The following NEK11 variants were observed in gnomAD, a reference collection of about 807,000 sequenced individuals.
The protein encoded by NEK11 is NIMA related kinase 11.
NEK11 carries 72 observed loss-of-function variants against 80.7 expected under a neutral mutation model. The observed-to-expected ratio is 0.89, with a 90% confidence interval of 0.74 to 1.08. The LOEUF (loss-of-function observed/expected upper bound fraction) is 1.08. NEK11 is among the 50% of genes least tolerant of loss of function. The pLI, the probability that NEK11 is intolerant of heterozygous loss-of-function variation, is 0.00. For synonymous variants in NEK11, 251 were observed against 260.7 expected, an observed-to-expected ratio of 0.96 and a Z score of 0.36; for missense variants, 764 against 763.6, an observed-to-expected ratio of 1.00 and a Z score of -0.01.
chr3:131,126,187 C>T (rs1004875491), intron 5 of NEK11, among the ~76,000 whole-genome samples: 1 of 152,126 alleles, frequency 6.6e-6, no homozygotes, highest in Non-Finnish European at 1.5e-5. Context: ...CCTTTATGTA[C>T]CCCACAAATT....
At chr3:131,219,556 C>A (rs1243206558) in intron 14 of NEK11, among the ~76,000 whole-genome samples, 90 of 143,998 alleles carry the variant, frequency 6.3e-4, no homozygotes, top group East Asian at 6.1e-4. Flanking sequence ...TTAAAGTATA[C>A]AAAAAAAAAA....
At chr3:131,233,355 C>T (rs931225889) in intron 15 of NEK11, among the ~76,000 whole-genome samples, 5 of 152,124 alleles carry the variant, frequency 3.3e-5, no homozygotes, top group South Asian at 2.1e-4. Context: ...GTGTTGTAGC[C>T]GAGGGCTGTC....
intron 3 of NEK11, among the ~76,000 whole-genome samples, chr3:131,048,550 A>G (rs911648898): frequency 6.6e-6 from 1 of 152,180 alleles, no homozygotes; most frequent in Non-Finnish European, 1.5e-5. Context: ...TCCTTCTGTG[A>G]TCTGGACCTT....
At chr3:131,132,611 T>C in intron 5 of NEK11, 134 bp from the exon 6 acceptor site, 1 of 536,514 alleles carries the variant, frequency 1.9e-6, no homozygotes. Flanking sequence ...TTTGTAGCTT[T>C]TAAACATTGA....
At chr3:131,065,387 T>C (rs1006755634) in intron 3 of NEK11, among the ~76,000 whole-genome samples, 9 of 152,364 alleles carry the variant, frequency 5.9e-5, no homozygotes, top group African/African-American at 2.2e-4. Flanking sequence ...ATTCCTTGGA[T>C]AACTTGGTTT....
intron 3 of NEK11, among the ~76,000 whole-genome samples, chr3:131,037,774 T>A (rs765710878): frequency 6.7e-6 from 1 of 149,476 alleles, no homozygotes; most frequent in Non-Finnish European, 1.5e-5. Flanking sequence ...TTTTAACATA[T>A]CTTTACTTTC....
intron 14 of NEK11, among the ~76,000 whole-genome samples, chr3:131,210,717 C>T (rs1385108975): frequency 1.3e-5 from 2 of 152,202 alleles, no homozygotes; most frequent in Non-Finnish European, 2.9e-5. Context: ...GATCCATTTA[C>T]CATTATGTAA....
At chr3:131,250,083 A>T (rs1431259207) in intron 16 of NEK11, among the ~76,000 whole-genome samples, 3 of 152,120 alleles carry the variant, frequency 2.0e-5, no homozygotes, top group Non-Finnish European at 2.9e-5. Context: ...CATACAGAGA[A>T]TAAGAAAGAG....
chr3:131,032,426 G>A (rs1388818997), intron 3 of NEK11, among the ~76,000 whole-genome samples: 1 of 152,204 alleles, frequency 6.6e-6, no homozygotes, highest in African/African-American at 2.4e-5. Flanking sequence ...ATATTCTCCA[G>A]TTAGCCACAT....
intron 14 of NEK11, among the ~76,000 whole-genome samples, chr3:131,186,637 C>T (rs2093613671): frequency 1.3e-5 from 2 of 152,144 alleles, no homozygotes; most frequent in African/African-American, 4.8e-5. Context: ...GTTAAAATTT[C>T]CATCTATTTT....
intron 11 of NEK11, among the ~76,000 whole-genome samples, chr3:131,163,057 T>C (rs1464094612): frequency 6.6e-6 from 1 of 152,148 alleles, no homozygotes; most frequent in Non-Finnish European, 1.5e-5. Flanking sequence ...CACTAGTAAT[T>C]AGAGTATTTA....
At chr3:131,090,455 C>T (rs1184244832) in intron 4 of NEK11, among the ~76,000 whole-genome samples, 1 of 152,150 alleles carries the variant, frequency 6.6e-6, no homozygotes, top group East Asian at 1.9e-4. Flanking sequence ...ATACATTTTT[C>T]ATGAAAGTTA....
intron 17 of NEK11, among the ~76,000 whole-genome samples, chr3:131,304,693 T>C (rs1161774456): frequency 1.3e-5 from 2 of 152,188 alleles, no homozygotes; most frequent in Non-Finnish European, 2.9e-5. Context: ...CTGGTACCAG[T>C]GCCTGAGCTT....
At chr3:131,327,697 T>TCACTC (rs1234081101) in intron 17 of NEK11, 2 of 148,856 alleles carry the variant, frequency 1.3e-5, no homozygotes, top group Non-Finnish European at 3.0e-5. Flanking sequence ...TGCATTTGAG[T>TCACTC]CACTCCAGAA....
intron 5 of NEK11, among the ~76,000 whole-genome samples, chr3:131,116,773 T>A (rs2081304656): frequency 6.6e-6 from 1 of 152,226 alleles, no homozygotes; most frequent in Non-Finnish European, 1.5e-5. Context: ...ATAAATGTCT[T>A]CTTTTGAGAA....
At chr3:131,097,647 A>C (rs909414061) in intron 4 of NEK11, among the ~76,000 whole-genome samples, 1 of 152,122 alleles carries the variant, frequency 6.6e-6, no homozygotes, top group Admixed American at 6.6e-5. Flanking sequence ...CTGCTCAATG[A>C]AATAAAAGAG....
chr3:131,285,044 CA>C (rs1477522419), intron 17 of NEK11, among the ~76,000 whole-genome samples: 1 of 152,174 alleles, frequency 6.6e-6, no homozygotes, highest in Non-Finnish European at 1.5e-5. Flanking sequence ...CCTATTCATC[CA>C]AATCTTCTGT....
At chr3:131,117,528 T>C (rs547913246) in intron 5 of NEK11, among the ~76,000 whole-genome samples, 1 of 152,326 alleles carries the variant, frequency 6.6e-6, no homozygotes, top group South Asian at 2.1e-4. Flanking sequence ...ATTGGTAGCT[T>C]GATGGGGATG....
chr3:131,332,204 G>A (rs2097100932), intron 17 of NEK11, among the ~76,000 whole-genome samples: 1 of 152,192 alleles, frequency 6.6e-6, no homozygotes, highest in African/African-American at 2.4e-5. Context: ...CAACCTAACT[G>A]GGAGGCACCC....
Sources: gnomAD v4.1 joint callset for allele counts (sites outside exome capture counted in the v4.1 genomes callset) on GRCh38, gnomAD v4.1.1 for gene constraint, MANE v1.5 for transcripts, NCBI Gene and HGNC (gene_info 2026-07-23, HGNC 2026-07-21) for gene names.